EXD3: variants seen among roughly 807,000 people sequenced by gnomAD.
The protein encoded by EXD3 is exonuclease 3'-5' domain containing 3.
Under a neutral mutation model 98.0 loss-of-function variants are expected in EXD3, and 92 were observed. The ratio of observed to expected loss-of-function variants is 0.94; its 90% CI spans 0.79 to 1.12. The LOEUF (loss-of-function observed/expected upper bound fraction) is 1.12. EXD3 is among the 50% of genes most tolerant of loss of function. The pLI is 0.00. For missense variants in EXD3, 1,222 were observed against 1,191.6 expected (o/e 1.03, Z -0.38); for synonymous variants, 569 against 526.0 (o/e 1.08, Z -1.12).
chr9:137,343,662 C>G (rs1048314249), intron 17 of EXD3, among the ~76,000 whole-genome samples: 1 of 125,610 alleles, frequency 8.0e-6, no homozygotes, highest in African/African-American at 3.1e-5. Context: ...GATCTCGGCT[C>G]ACTGCAAGCT....
chr9:137,400,454 T>C (rs1256205794), intron 1 of EXD3, among the ~76,000 whole-genome samples: 1 of 151,942 alleles, frequency 6.6e-6, no homozygotes, highest in Non-Finnish European at 1.5e-5. Context: ...ACAATGGGGG[T>C]ACAGGTATTC....
At chr9:137,334,386 C>T (rs974351079) in intron 17 of EXD3, among the ~76,000 whole-genome samples, 1 of 152,134 alleles carries the variant, frequency 6.6e-6, no homozygotes, top group African/African-American at 2.4e-5. Flanking sequence ...AAAGTAGATA[C>T]ATAGACCAAT....
intron 17 of EXD3, among the ~76,000 whole-genome samples, chr9:137,334,740 T>G (rs1833265990): frequency 6.6e-6 from 1 of 152,050 alleles, no homozygotes; most frequent in Non-Finnish European, 1.5e-5. Context: ...TGTGACCTAA[T>G]TCAACTAAAA....
chr9:137,320,902 G>A (rs933107707), intron 19 of EXD3, among the ~76,000 whole-genome samples: 9 of 152,214 alleles, frequency 5.9e-5, no homozygotes, highest in Non-Finnish European at 2.9e-5. Flanking sequence ...TCTTTACAGC[G>A]CTTGCTGGCC....
rs1453686389 is a variant in EXD3, at chr9:137,325,914, AC to A, written c.1999-1772del. Among the ~76,000 whole-genome samples, 3 of 151,654 alleles carry A rather than the reference AC, an allele frequency of 2.0e-5. No individual in the cohort carries two copies. In the East Asian group the frequency reaches 5.8e-4, roughly 29 times the overall value. ...AGACCAGCCTGGGCAACAGAGCAAA[AC>A]CCCATCTCTGCAATAAATAAAAAAA... On this transcript the variant is annotated intron_variant, in intron 17 of 21. Coordinates refer to ENST00000340951, the MANE Select transcript of EXD3 (RefSeq NM_017820.5).
At chr9:137,341,579 G>T (rs1372217834) in intron 17 of EXD3, among the ~76,000 whole-genome samples, 14 of 112,682 alleles carry the variant, frequency 1.2e-4, no homozygotes, top group Non-Finnish European at 5.4e-5. Flanking sequence ...GGAGTCAGAG[G>T]AAACGGGGCT....
intron 1 of EXD3, among the ~76,000 whole-genome samples, chr9:137,415,435 C>A (rs1054585118): frequency 6.6e-6 from 1 of 152,156 alleles, no homozygotes; most frequent in African/African-American, 2.4e-5. Flanking sequence ...CTCAGGTGAT[C>A]AGCCTGCCTC....
intron 17 of EXD3, among the ~76,000 whole-genome samples, chr9:137,346,687 T>C (rs573998043): frequency 2.6e-5 from 4 of 152,204 alleles, no homozygotes; most frequent in Admixed American, 6.5e-5. Context: ...CAAGGCCCTC[T>C]AGGCTTTTCA....
chr9:137,328,971 AGCT>A (rs1588265829), intron 17 of EXD3, among the ~76,000 whole-genome samples: 15 of 498 alleles, frequency 0.03, 3 homozygotes, highest in South Asian at 0.12. Context: ...GCTACACGGG[AGCT>A]ACACGGGACT....
intron 19 of EXD3, among the ~76,000 whole-genome samples, 155 bp downstream of exon 19, chr9:137,323,570 G>GATCTGCCGACAC (rs2119101628): frequency 2.2e-5 from 3 of 137,436 alleles, no homozygotes; most frequent in Non-Finnish European, 3.1e-5. Context: ...CACGAGGGAT[G>GATCTGCCGACAC]CTCTGCCGAC....
In EXD3 at chr9:137,395,007, C is replaced by A. The variant is rs770383772; in HGVS notation, c.55+296G>T. Among the ~76,000 whole-genome samples the A allele has an allele frequency of 1.3e-5, 2 of 152,118 alleles. No homozygotes were observed. The highest frequency in any genetic ancestry group is 2.4e-5 in the African/African-American group (1 of 41,422). ...TCCCACCTCTGCGGCCAGCCCTGAG[C>A]AGCTGCACTGTCCCCGCCACCTCCC... On this transcript the variant is annotated intron_variant, in intron 2 of 21. Coordinates refer to ENST00000340951, the MANE Select transcript of EXD3 (RefSeq NM_017820.5). The surrounding 1 kb of genome is among the most constrained non-coding windows in gnomAD (Gnocchi z 6.5).
rs939962004 is a variant in EXD3, at chr9:137,403,222, A to G, written c.-47-7818T>C. Reference sequence around the variant, plus strand: ...TGAGGCACTAGTCATCTGCTTGGAAATGGGTTGGGGGCACCCCAGGAGTGG... The same window carrying G: ...TGAGGCACTAGTCATCTGCTTGGAAGTGGGTTGGGGGCACCCCAGGAGTGG... On this transcript the variant is annotated intron_variant, in intron 1 of 21. Transcript: ENST00000340951. This position sits in a 1 kb window ranked among gnomAD's most constrained non-coding sequence, Gnocchi z 6.1. Among the ~76,000 whole-genome samples, 1 of 151,830 alleles carries G rather than the reference A, an allele frequency of 6.6e-6. No individual in the cohort carries two copies. Among genetic ancestry groups the G allele is most frequent in the African/African-American group, 2.4e-5 (1 of 41,350 alleles).
At chr9:137,339,646 A>G (rs558745573) in intron 17 of EXD3, among the ~76,000 whole-genome samples, 15 of 152,326 alleles carry the variant, frequency 9.8e-5, no homozygotes, top group South Asian at 8.3e-4. Flanking sequence ...TTTACAGATT[A>G]AAGGAAAAAT....
intron 17 of EXD3, among the ~76,000 whole-genome samples, chr9:137,344,739 C>T (rs530321570): frequency 4.7e-5 from 7 of 149,860 alleles, no homozygotes; most frequent in African/African-American, 1.8e-4. Context: ...TGCTCACATT[C>T]TATCATAAGC....
At chr9:137,386,846 A>G (rs1317337000) in intron 2 of EXD3, among the ~76,000 whole-genome samples, 3 of 110,784 alleles carry the variant, frequency 2.7e-5, no homozygotes, top group Non-Finnish European at 5.7e-5. Context: ...TGCCTCCCTC[A>G]GCACCCCTGC....
chr9:137,381,773 G>A (rs1836285183), intron 3 of EXD3, among the ~76,000 whole-genome samples: 1 of 152,192 alleles, frequency 6.6e-6, no homozygotes, highest in African/African-American at 2.4e-5. Context: ...GGGTCCCCAA[G>A]ACCTCCATGT....
Position 137,407,803 on chromosome 9 carries a change from G to C in EXD3, c.-47-12399C>G, listed in dbSNP as rs1487434063. ...CACAGGCATTCGAGGTCTTGGATGC[G>C]CCGGCTGGACCCAAGGACACACGCG... is the stretch of plus-strand genomic sequence containing the variant. On this transcript the variant is annotated intron_variant, in intron 1 of 21. Transcript: ENST00000340951. This position sits in a 1 kb window ranked among gnomAD's most constrained non-coding sequence, Gnocchi z 4.4. Among the ~76,000 whole-genome samples, 2 of 151,834 alleles carry C rather than the reference G, an allele frequency of 1.3e-5. No individual in the cohort carries two copies. Among genetic ancestry groups the C allele is most frequent in the Non-Finnish European group, 2.9e-5 (2 of 67,950 alleles).
chr9:137,317,323 C>G (rs771051091), intron 19 of EXD3, among the ~76,000 whole-genome samples: 12 of 152,174 alleles, frequency 7.9e-5, no homozygotes, highest in Non-Finnish European at 1.8e-4. Flanking sequence ...TGGCCATGGC[C>G]GGTCCCTCCT....
In EXD3 at chr9:137,395,230, C is replaced by G; in HGVS notation, c.55+73G>C. On this transcript the variant is annotated intron_variant, in intron 2 of 21. Coordinates refer to ENST00000340951, the MANE Select transcript of EXD3 (RefSeq NM_017820.5). The surrounding 1 kb of genome is among the most constrained non-coding windows in gnomAD (Gnocchi z 6.5). Reference sequence around the variant, plus strand: ...TCACTGAGTACACAGTGGGCGCCACCACCCCCCATGCACACCCACGCACCT... The same window carrying G: ...TCACTGAGTACACAGTGGGCGCCACGACCCCCCATGCACACCCACGCACCT... 7.3e-7 allele frequency: 1 copy of G among 1,362,134 alleles called. No individual in the cohort carries two copies. Among genetic ancestry groups the G allele is most frequent in the Non-Finnish European group, 1.0e-6 (1 of 953,506 alleles). The allele number at this position is 1,362,134 out of a possible 1,614,324, so 84.4% of individuals were successfully genotyped here. A position where few individuals can be genotyped will look rare whatever the true frequency, so the allele number is the denominator to read the frequency against.
Sources: allele counts gnomAD v4.1 joint callset (sites outside exome capture counted in the v4.1 genomes callset), GRCh38; gene constraint gnomAD v4.1.1; non-coding constraint Gnocchi (gnomAD v3.1); transcripts MANE v1.5; gene names NCBI Gene and HGNC (gene_info 2026-07-23, HGNC 2026-07-21).